Variants in DRAM2 observed in about 807,000 individuals in gnomAD.
The protein encoded by DRAM2 is DNA damage regulated autophagy modulator 2.
A neutral mutation model predicts 33.5 loss-of-function variants in DRAM2; 26 were observed. The ratio of observed to expected loss-of-function variants is 0.78; its 90% CI spans 0.57 to 1.08. The LOEUF (loss-of-function observed/expected upper bound fraction) is 1.08. Ranked by LOEUF, DRAM2 falls within the 50% of genes least tolerant of loss-of-function variation. The probability of loss-of-function intolerance (pLI) is 0.00; values close to 1 mark genes in which losing one functional copy is unlikely to be tolerated. For synonymous variants in DRAM2, 98 were observed against 109.5 expected (o/e 0.89, Z 0.66); for missense variants, 311 against 318.1 (o/e 0.98, Z 0.17).
At chr1:111,121,937 T>C (rs1428195892) in intron 6 of DRAM2, among the ~76,000 whole-genome samples, 1 of 152,110 alleles carries the variant, frequency 6.6e-6, no homozygotes, top group African/African-American at 2.4e-5. Flanking sequence ...AAGGGCGTTA[T>C]GGCCTACCAA....
At chr1:111,127,235 TAA>T (rs1412831831) in intron 4 of DRAM2, among the ~76,000 whole-genome samples, 2 of 152,206 alleles carry the variant, frequency 1.3e-5, no homozygotes, top group African/African-American at 4.8e-5. Context: ...CTACAAAGAT[TAA>T]AAAGACAGTG....
At chr1:111,129,412 C>T (rs1410142460) in intron 4 of DRAM2, among the ~76,000 whole-genome samples, 1 of 152,124 alleles carries the variant, frequency 6.6e-6, no homozygotes, top group African/African-American at 2.4e-5. Context: ...CTAGTAGTTG[C>T]TTAATCATAT....
Position 111,118,901 on chromosome 1 carries a change from AGTGATGGG to A in DRAM2, c.601-12_601-5del. The A allele has an allele frequency of 6.3e-7, 1 of 1,592,138 alleles. No homozygotes were observed. The highest frequency in any genetic ancestry group is 1.7e-4 in the Middle Eastern group (1 of 5,996). On this transcript the variant is annotated splice_region_variant and splice_polypyrimidine_tract_variant and intron_variant, in intron 8 of 9. Transcript: ENST00000484310. The stretch of plus-strand genomic sequence containing the variant: ...TGATCATGTGAAGCACATAACCCTG[AGTGATGGG>A]AAAAAAAGAATAGTTTTGTGAAATT...
intron 4 of DRAM2, among the ~76,000 whole-genome samples, chr1:111,130,562 T>C (rs1341218330): frequency 6.9e-6 from 1 of 145,562 alleles, no homozygotes; most frequent in African/African-American, 2.6e-5. Flanking sequence ...AAATTAGGCG[T>C]GGTGGTGTGC....
At position 111,140,058 on chromosome 1, in the gene DRAM2, T is replaced by C. The variant is rs552667092; in HGVS notation, c.-265A>G. The stretch of plus-strand genomic sequence containing the variant: ...CTTACCTTACCAGACCGACTAGCGC[T>C]GGCCGCTGGCGCCGAAGCCCCTATG... On this transcript the variant is annotated 5_prime_UTR_variant, in exon 1 of 10. Coordinates refer to ENST00000484310, the MANE Select transcript of DRAM2 (RefSeq NM_001349884.2). 3.9e-5 allele frequency: 6 copies of C among 152,576 alleles called. No individual in the cohort carries two copies. The South Asian group carries it at 6.2e-4, about 16-fold the overall frequency. The allele number at this position is 152,576 out of a possible 1,614,324, so 9.5% of individuals were successfully genotyped here.
intron 3 of DRAM2, among the ~76,000 whole-genome samples, chr1:111,133,694 T>C (rs1310787583): frequency 1.3e-5 from 2 of 152,206 alleles, no homozygotes; most frequent in African/African-American, 4.8e-5. Flanking sequence ...CTGGATGTGG[T>C]GGAGATACGA....
chr1:111,131,315 G>T, intron 4 of DRAM2, 109 bp downstream of exon 4: 1 of 1,204,882 alleles, frequency 8.3e-7, no homozygotes, highest in Non-Finnish European at 1.1e-6. Flanking sequence ...TTGTTGTAAT[G>T]CCAATGTAAA....
rs985052117 is a variant in DRAM2 at position 111,119,996 on chromosome 1, G to A, written c.518-37C>T. On this transcript the variant is annotated intron_variant, in intron 7 of 9. Transcript: ENST00000484310. ...TAAGTCAAGGAAGAATCTCAGAGAC[G>A]ATCTCAGAGAACAAAAATCACTTTA... 1.6e-5 allele frequency: 25 copies of A among 1,537,078 alleles called. No individual in the cohort carries two copies. The African/African-American group carries it at 1.9e-4, about 12-fold the overall frequency.
intron 4 of DRAM2, 88 bp from the exon 5 acceptor site, chr1:111,126,382 T>C (rs951014966): frequency 4.1e-6 from 3 of 729,246 alleles, no homozygotes; most frequent in Non-Finnish European, 7.3e-6. Flanking sequence ...CAGGAGTTAA[T>C]TCAAACCTCT....
At position 111,124,027 on chromosome 1, in the gene DRAM2, G is replaced by A. The variant is rs181819395; in HGVS notation, c.339+715C>T. Among the ~76,000 whole-genome samples, 3 of 152,204 alleles carry A rather than the reference G, an allele frequency of 2.0e-5. No homozygotes were observed. In the East Asian group the frequency reaches 5.8e-4, roughly 29 times the overall value. ...TTTTATAGCACACAAAACAAACCAA[G>A]GCAGTTTAACCAGAATCCCTTCTTA... On this transcript the variant is annotated intron_variant, in intron 6 of 9. Transcript: ENST00000484310.
chr1:111,122,434 A>C (rs968311276), intron 6 of DRAM2, among the ~76,000 whole-genome samples: 3 of 152,138 alleles, frequency 2.0e-5, no homozygotes, highest in Non-Finnish European at 2.9e-5. Context: ...AATATTCAAG[A>C]AGTAAAACCA....
Position 111,131,585 on chromosome 1 carries a change from A to G in DRAM2, c.-14-17T>C, listed in dbSNP as rs761133368. On this transcript the variant is annotated splice_polypyrimidine_tract_variant and intron_variant, in intron 3 of 9. Coordinates refer to ENST00000484310, the MANE Select transcript of DRAM2 (RefSeq NM_001349884.2). ...ACAGGTTTTCTGAAATAGAGAAAAC[A>G]TATTAGAAAAGATAATTCACAAGAG... 51 of 1,612,298 alleles carry G rather than the reference A, an allele frequency of 3.2e-5. No individual in the cohort carries two copies. The highest frequency in any genetic ancestry group is 3.9e-5 in the Non-Finnish European group (46 of 1,179,320).
chr1:111,120,670 ATGTGCAGC>A lies in DRAM2; in HGVS notation c.355_362del (p.Ala119CysfsTer51), dbSNP rs1387117163. On this transcript the variant is annotated frameshift_variant, in exon 7 of 10. Transcript: ENST00000484310. LOFTEE classifies it high-confidence loss of function. ...CAAAGGTAAGCACAGCTCCACTTAC[ATGTGCAGC>A]AAAAAGGGTTGTTTTCTGAGAGATA... The A allele has an allele frequency of 1.9e-6, 3 of 1,568,300 alleles. No individual in the cohort carries two copies. The highest frequency in any genetic ancestry group is 1.9e-5 in the Admixed American group (1 of 53,562).
chr1:111,134,326 T>TA (rs1474206128), intron 3 of DRAM2, among the ~76,000 whole-genome samples: 9 of 152,026 alleles, frequency 5.9e-5, no homozygotes, highest in Admixed American at 5.9e-4. Flanking sequence ...TAAAGAAATT[T>TA]AGTGTTTTCC....
intron 5 of DRAM2, 127 bp from the exon 6 acceptor site, chr1:111,125,008 G>C (rs1193770484): frequency 1.9e-5 from 14 of 738,080 alleles, no homozygotes; most frequent in East Asian, 1.3e-4. Flanking sequence ...TAATCAGAGA[G>C]AATAAAAAGA....
rs1649597348 is a variant in DRAM2 at position 111,119,745 on chromosome 1, A to G, written c.600+132T>C. 8.1e-6 allele frequency: 6 copies of G among 743,956 alleles called. No homozygotes were observed. The Admixed American group carries it at 1.1e-4, about 14-fold the overall frequency. The allele number at this position is 743,956 out of a possible 1,614,324, so 46.1% of individuals were successfully genotyped here. On this transcript the variant is annotated intron_variant, in intron 8 of 9. Transcript: ENST00000484310. ...ACATAAACCCTACCATATCAAGAAA[A>G]TAATTTTAATACAGAACTGATTATT...
intron 3 of DRAM2, among the ~76,000 whole-genome samples, chr1:111,135,731 C>CGTGA (rs1653023272): frequency 6.6e-6 from 1 of 152,300 alleles, no homozygotes; most frequent in South Asian, 2.1e-4. Context: ...GAACACTTGA[C>CGTGA]TTTCACATCT....
At chr1:111,132,675 T>C (rs1391476583) in intron 3 of DRAM2, among the ~76,000 whole-genome samples, 1 of 143,468 alleles carries the variant, frequency 7.0e-6, no homozygotes, top group Non-Finnish European at 1.5e-5. Flanking sequence ...GGGTGGTTTT[T>C]CTTCCTCTTT....
chr1:111,119,840 T>C (rs1557881970), intron 8 of DRAM2, 37 bp downstream of exon 8: 1 of 1,496,382 alleles, frequency 6.7e-7, no homozygotes. Context: ...TAACCATCTT[T>C]AATATAAAAC....
Sources: allele counts gnomAD v4.1 joint callset (sites outside exome capture counted in the v4.1 genomes callset), GRCh38; gene constraint gnomAD v4.1.1; transcripts MANE v1.5; gene names NCBI Gene and HGNC (gene_info 2026-07-23, HGNC 2026-07-21).